Variants in KIF6 observed in about 807,000 individuals in gnomAD.
KIF6 encodes kinesin family member 6.
KIF6 carries 106 observed loss-of-function variants against 112.7 expected under a neutral mutation model. That is an observed-to-expected ratio of 0.94 (90% CI 0.80 to 1.11). The LOEUF (loss-of-function observed/expected upper bound fraction) is 1.11, where lower values mean the gene tolerates loss of function less well. Among genes scored for constraint, KIF6 ranks in the 50% least tolerant of loss-of-function variants. KIF6 has a pLI of 0.00. For synonymous variants in KIF6, 339 were observed against 339.9 expected (o/e 1.00, Z 0.03); for missense variants, 929 against 964.0 (o/e 0.96, Z 0.48).
chr6:39,554,980 C>T (rs1037372718), intron 10 of KIF6: 4 of 164,434 alleles, frequency 2.4e-5, no homozygotes, highest in Non-Finnish European at 5.3e-5. Context: ...GAGACACAGA[C>T]TGTCTGACCT....
chr6:39,550,189 T>C (rs906951081), intron 10 of KIF6, among the ~76,000 whole-genome samples: 18 of 152,256 alleles, frequency 1.2e-4, no homozygotes, highest in African/African-American at 4.1e-4. Flanking sequence ...CTCATTATTC[T>C]CAAATAATCT....
intron 7 of KIF6, among the ~76,000 whole-genome samples, chr6:39,595,737 G>A (rs936227744): frequency 1.3e-5 from 2 of 152,074 alleles, no homozygotes; most frequent in Non-Finnish European, 2.9e-5. Context: ...CCACTTACAC[G>A]AGGCACCTGA....
intron 13 of KIF6, among the ~76,000 whole-genome samples, chr6:39,481,548 T>C (rs1774799936): frequency 6.6e-6 from 1 of 152,194 alleles, no homozygotes; most frequent in South Asian, 2.1e-4. Flanking sequence ...ATTTCTCTTA[T>C]AAATCCTTGC....
chr6:39,343,700 T>C lies in KIF6; in HGVS notation c.2428+9A>G. 1 of 1,592,564 alleles carries C rather than the reference T, an allele frequency of 6.3e-7. No homozygotes were observed. The highest frequency in any genetic ancestry group is 1.1e-5 in the South Asian group (1 of 87,762). ...GCCCAGGAGGAGCCACCGAGGGAGG[T>C]GCACTTACATTGCTTCTGCAGAATG... On this transcript the variant is annotated intron_variant, in intron 22 of 22. Coordinates refer to ENST00000287152, the MANE Select transcript of KIF6 (RefSeq NM_145027.6). The surrounding 1 kb of genome is among the most constrained non-coding windows in gnomAD (Gnocchi z 4.1).
At chr6:39,390,715 G>C (rs1350398412) in intron 15 of KIF6, among the ~76,000 whole-genome samples, 1 of 152,190 alleles carries the variant, frequency 6.6e-6, no homozygotes, top group African/African-American at 2.4e-5. Flanking sequence ...ATCAGTTGTA[G>C]AACTGGGGTG....
chr6:39,718,737 G>GAA (rs752779166), intron 2 of KIF6, among the ~76,000 whole-genome samples: 5 of 86,180 alleles, frequency 5.8e-5, no homozygotes, highest in African/African-American at 1.7e-4. Context: ...ACCTGTCTTA[G>GAA]AAAAAAAAAA....
At chr6:39,373,272 C>A (rs933586466) in intron 16 of KIF6, among the ~76,000 whole-genome samples, 4 of 152,170 alleles carry the variant, frequency 2.6e-5, no homozygotes, top group Admixed American at 6.5e-5. Flanking sequence ...TAGACAGCCC[C>A]TTCTTGGATG....
At chr6:39,628,890 T>A (rs913381662) in intron 5 of KIF6, among the ~76,000 whole-genome samples, 1 of 152,146 alleles carries the variant, frequency 6.6e-6, no homozygotes, top group African/African-American at 2.4e-5. Context: ...TCTCTATAGT[T>A]TTGCCTTTTC....
chr6:39,380,311 C>G (rs1461895693), intron 16 of KIF6, among the ~76,000 whole-genome samples: 1 of 152,222 alleles, frequency 6.6e-6, no homozygotes, highest in African/African-American at 2.4e-5. Flanking sequence ...ACCCCCAGCT[C>G]TGACTGTCAC....
intron 10 of KIF6, among the ~76,000 whole-genome samples, chr6:39,575,479 C>T (rs1350229523): frequency 6.6e-6 from 1 of 151,992 alleles, no homozygotes; most frequent in Non-Finnish European, 1.5e-5. Context: ...ACCATGTTGG[C>T]CAGGATGGTC....
At chr6:39,520,743 A>AC (rs1344664540) in intron 13 of KIF6, among the ~76,000 whole-genome samples, 1 of 152,214 alleles carries the variant, frequency 6.6e-6, no homozygotes, top group African/African-American at 2.4e-5. Flanking sequence ...CAATCAAAAG[A>AC]CAAACTTCAC....
At chr6:39,633,514 G>A (rs918971084) in intron 5 of KIF6, among the ~76,000 whole-genome samples, 1 of 152,146 alleles carries the variant, frequency 6.6e-6, no homozygotes, top group African/African-American at 2.4e-5. Flanking sequence ...GAGTTAAAAA[G>A]ACTGGTGACC....
At chr6:39,428,641 TGGGACTCATAAAGTATACCA>T (rs928746189) in intron 14 of KIF6, among the ~76,000 whole-genome samples, 2 of 152,352 alleles carry the variant, frequency 1.3e-5, no homozygotes, top group African/African-American at 2.4e-5. Context: ...AAAGTATATC[TGGGACTCATAAAGTATACCA>T]GGGACTCATA....
intron 15 of KIF6, among the ~76,000 whole-genome samples, chr6:39,419,026 T>C (rs920850128): frequency 1.3e-5 from 2 of 151,814 alleles, no homozygotes; most frequent in Admixed American, 6.6e-5. Context: ...ATCTTTTAGT[T>C]TGGGATGAAA....
intron 13 of KIF6, among the ~76,000 whole-genome samples, chr6:39,473,319 T>C (rs1774243618): frequency 6.6e-6 from 1 of 152,118 alleles, no homozygotes; most frequent in South Asian, 2.1e-4. Flanking sequence ...AAAATAAGGT[T>C]TTGCTAACTT....
intron 8 of KIF6, among the ~76,000 whole-genome samples, chr6:39,585,349 A>AAT (rs1781568167): frequency 6.6e-6 from 1 of 152,124 alleles, no homozygotes; most frequent in East Asian, 1.9e-4. Flanking sequence ...CTCTTATGAG[A>AAT]ATCTAATGGC....
chr6:39,613,237 T>C lies in KIF6; in HGVS notation c.591A>G (p.Glu197=). The C allele has an allele frequency of 6.2e-7, 1 of 1,605,884 alleles. No homozygotes were observed. The highest frequency in any genetic ancestry group is 8.5e-7 in the Non-Finnish European group (1 of 1,176,052). ...CTCCTAAAAAAAGCAAATTCAGAGC[T>C]TCTTCCTCTGTGGTTGCCTGATGGA... ...LTLHQATTEE[E]ALNLLFLGDT... Residue 197 remains glutamate, a synonymous_variant, in exon 6 of 23, where the codon GAA becomes GAG. Coordinates refer to ENST00000287152, the MANE Select transcript of KIF6 (RefSeq NM_145027.6).
chr6:39,665,975 A>G (rs10947829), intron 3 of KIF6, among the ~76,000 whole-genome samples: 36,269 of 152,108 alleles, frequency 0.24, 4,775 homozygotes, highest in East Asian at 0.4. Context: ...ATGTCTTCTT[A>G]TCCTACCATG....
chr6:39,667,178 A>G (rs1786524489), intron 3 of KIF6, among the ~76,000 whole-genome samples: 1 of 151,764 alleles, frequency 6.6e-6, no homozygotes, highest in African/African-American at 2.4e-5. Flanking sequence ...ATTAGGGGAA[A>G]GGCTCACACA....
Sources: allele counts gnomAD v4.1 joint callset (sites outside exome capture counted in the v4.1 genomes callset), GRCh38; gene constraint gnomAD v4.1.1; non-coding constraint Gnocchi (gnomAD v3.1); transcripts MANE v1.5; gene names NCBI Gene and HGNC (gene_info 2026-07-23, HGNC 2026-07-21).